The following AVL9 variants were observed in gnomAD, a reference collection of about 807,000 sequenced individuals.
AVL9 encodes late secretory pathway protein AVL9 homolog.
A neutral mutation model predicts 79.2 loss-of-function variants in AVL9; 49 were observed. The observed-to-expected ratio is 0.62, with a 90% CI of 0.49 to 0.79. The LOEUF is 0.79. AVL9 is among the 30% of genes least tolerant of loss of function. The pLI, the probability that AVL9 is intolerant of heterozygous loss-of-function variation, is 0.00. For synonymous variants in AVL9, 299 were observed against 280.6 expected (o/e 1.07, Z -0.65); for missense variants, 682 against 776.8 (o/e 0.88, Z 1.45).
rs145206647 is a variant in AVL9, at chr7:32,545,975, A to C, written c.300+1196A>C. Among the ~76,000 whole-genome samples the C allele has an allele frequency of 7.2e-5, 11 of 152,120 alleles. No homozygotes were observed. In the East Asian group the frequency reaches 1.9e-3, roughly 27 times the overall value. The stretch of plus-strand genomic sequence containing the variant: ...AATGATCTAGACATGGGAGGTGGGA[A>C]TGTTTTAAAAGCTCGCCAGGTGATT... On this transcript the variant is annotated intron_variant, in intron 3 of 15. Transcript: ENST00000318709.
intron 13 of AVL9, among the ~76,000 whole-genome samples, chr7:32,579,385 CATATT>C (rs1791265925): frequency 1.0e-4 from 1 of 9,976 alleles, no homozygotes; most frequent in Non-Finnish European, 1.6e-4. Flanking sequence ...TGTTATATAA[CATATT>C]ATATGTTATA....
At chr7:32,582,661 T>C (rs1451921070) in intron 15 of AVL9, among the ~76,000 whole-genome samples, 2 of 152,118 alleles carry the variant, frequency 1.3e-5, no homozygotes, top group African/African-American at 4.8e-5. Flanking sequence ...GGGAGTGTAT[T>C]AGTCAACTTA....
intron 1 of AVL9, chr7:32,534,672 A>G (rs541943379): frequency 6.6e-6 from 1 of 152,220 alleles, no homozygotes; most frequent in South Asian, 2.1e-4. Context: ...AAGAGTTTCC[A>G]GTGATTTAGG....
chr7:32,544,995 A>G (rs1194564747), intron 3 of AVL9, among the ~76,000 whole-genome samples: 2 of 152,220 alleles, frequency 1.3e-5, no homozygotes, highest in African/African-American at 2.4e-5. Flanking sequence ...AATATTTTGT[A>G]CATTGCTTTT....
chr7:32,529,690 A>G (rs1029912530), intron 1 of AVL9, among the ~76,000 whole-genome samples: 2 of 152,256 alleles, frequency 1.3e-5, no homozygotes, highest in African/African-American at 4.8e-5. Context: ...TCATCTTCAT[A>G]TATTTTTAAG....
intron 1 of AVL9, among the ~76,000 whole-genome samples, chr7:32,541,934 C>T (rs928583756): frequency 7.2e-5 from 11 of 152,108 alleles, no homozygotes; most frequent in Non-Finnish European, 1.3e-4. Flanking sequence ...AGGCTGGTCT[C>T]GAACTTCTGG....
At chr7:32,570,685 T>C (rs1790792955) in intron 11 of AVL9, among the ~76,000 whole-genome samples, 1 of 151,486 alleles carries the variant, frequency 6.6e-6, no homozygotes, top group Admixed American at 6.6e-5. Context: ...AATGGCGCGA[T>C]CTCGGCTCCA....
chr7:32,539,918 T>C (rs1184053157), intron 1 of AVL9, among the ~76,000 whole-genome samples: 1 of 152,228 alleles, frequency 6.6e-6, no homozygotes, highest in Non-Finnish European at 1.5e-5. Flanking sequence ...CACTGATTCC[T>C]CTGCCTCTCT....
At chr7:32,540,457 T>C (rs1342680741) in intron 1 of AVL9, among the ~76,000 whole-genome samples, 1 of 152,176 alleles carries the variant, frequency 6.6e-6, no homozygotes. Context: ...AGGGTGAATA[T>C]AGAAGTAGAG....
intron 6 of AVL9, 97 bp downstream of exon 6, chr7:32,552,392 A>G (rs1047955807): frequency 3.0e-6 from 2 of 676,404 alleles, no homozygotes; most frequent in Admixed American, 2.7e-5. Context: ...TTACATCTCT[A>G]TATGGGATCT....
intron 13 of AVL9, among the ~76,000 whole-genome samples, chr7:32,577,212 A>G (rs376344131): frequency 1.3e-4 from 19 of 151,980 alleles, no homozygotes; most frequent in African/African-American, 4.6e-4. Context: ...GTGGGTGCCT[A>G]TAGTCCCAGC....
intron 1 of AVL9, among the ~76,000 whole-genome samples, chr7:32,497,720 C>T (rs948166750): frequency 4.0e-5 from 6 of 150,190 alleles, no homozygotes; most frequent in Non-Finnish European, 7.4e-5. Flanking sequence ...CAGTGGAGCT[C>T]GGCTCACTAC....
intron 1 of AVL9, among the ~76,000 whole-genome samples, chr7:32,521,167 A>G (rs1478863152): frequency 1.3e-5 from 2 of 152,130 alleles, no homozygotes; most frequent in African/African-American, 4.8e-5. Flanking sequence ...TAATACAGTA[A>G]ACTGGTACTG....
rs1583613414 is a variant in AVL9, at chr7:32,580,884, G to T, written c.1825G>T (p.Ala609Ser). The T allele has an allele frequency of 1.2e-6, 2 of 1,613,348 alleles. No individual in the cohort carries two copies. The highest frequency in any genetic ancestry group is 1.7e-6 in the Non-Finnish European group (2 of 1,179,566). The change falls in exon 15 of 16, where the codon GCT becomes TCT. Residue 609 changes from alanine (A) to serine (S), a missense_variant. Physicochemically the swap from Ala to Ser is moderately conservative, Grantham distance 99. Coordinates refer to ENST00000318709, the MANE Select transcript of AVL9 (RefSeq NM_015060.3). ...TSRNVVQTGK[A>S]VGQSVGGAFS... ...CCGGAATGTTGTACAAACAGGAAAA[G>T]CTGTTGGTAAGACATGCCTTTAGCC...
intron 1 of AVL9, among the ~76,000 whole-genome samples, chr7:32,521,328 C>T (rs1211927687): frequency 1.3e-5 from 2 of 152,202 alleles, no homozygotes; most frequent in Non-Finnish European, 2.9e-5. Flanking sequence ...TGTTGAATGG[C>T]TTTGCCCAAA....
intron 12 of AVL9, 90 bp downstream of exon 12, chr7:32,573,508 A>C (rs1790953587): frequency 8.7e-7 from 1 of 1,154,192 alleles, no homozygotes; most frequent in Non-Finnish European, 1.2e-6. Context: ...CACAATAAAT[A>C]CATATTCCTT....
chr7:32,506,289 A>G (rs140241167), intron 1 of AVL9, among the ~76,000 whole-genome samples: 18 of 152,342 alleles, frequency 1.2e-4, no homozygotes, highest in African/African-American at 4.3e-4. Flanking sequence ...TAGAATATTT[A>G]TAACAGTATG....
At chr7:32,551,206 T>C (rs1789799937) in intron 4 of AVL9, 128 bp from the exon 5 acceptor site, 1 of 637,408 alleles carries the variant, frequency 1.6e-6, no homozygotes, top group Admixed American at 2.8e-5. Context: ...CGCACTAAAG[T>C]TGATAGTTAC....
intron 1 of AVL9, among the ~76,000 whole-genome samples, chr7:32,498,687 A>G (rs1489991442): frequency 6.7e-6 from 1 of 149,002 alleles, no homozygotes; most frequent in Non-Finnish European, 1.5e-5. Flanking sequence ...TCTAGATGTC[A>G]TTTTTCTAGT....
Sources: allele counts gnomAD v4.1 joint callset (sites outside exome capture counted in the v4.1 genomes callset), GRCh38; gene constraint gnomAD v4.1.1; transcripts MANE v1.5; gene names NCBI Gene and HGNC (gene_info 2026-07-23, HGNC 2026-07-21).